The following CDH12 variants were observed in gnomAD, a reference collection of about 807,000 sequenced individuals.
CDH12 encodes the protein cadherin-12.
In CDH12, 41 loss-of-function variants were observed where a neutral mutation model predicts 74.1. The observed-to-expected ratio is 0.55, with a 90% confidence interval of 0.43 to 0.72. The LOEUF (loss-of-function observed/expected upper bound fraction) is 0.72. Among genes scored for constraint, CDH12 ranks in the 30% least tolerant of loss-of-function variants. The pLI, the probability that CDH12 is intolerant of heterozygous loss-of-function variation, is 0.00. For synonymous variants in CDH12, 399 were observed against 355.0 expected (o/e 1.12, Z -1.39); for missense variants, 945 against 977.2 (o/e 0.97, Z 0.44).
intron 3 of CDH12, among the ~76,000 whole-genome samples, chr5:22,387,414 T>C (rs1033570703): frequency 2.6e-5 from 4 of 152,314 alleles, no homozygotes; most frequent in Admixed American, 2.6e-4. Flanking sequence ...CTTGATTTTG[T>C]GTTAATAAAA....
At chr5:22,626,485 G>T (rs998370769) in intron 1 of CDH12, among the ~76,000 whole-genome samples, 2 of 152,160 alleles carry the variant, frequency 1.3e-5, no homozygotes, top group Admixed American at 6.5e-5. Context: ...GCAGAGCTGA[G>T]GCTTAGCCCC....
Position 22,389,834 on chromosome 5 carries a change from G to A in CDH12, c.-333+15423C>T, listed in dbSNP as rs1742157120. On this transcript the variant is annotated intron_variant, in intron 3 of 14. Transcript: ENST00000382254. ...GGCTAATTTTTCTGTATTTTTAGTAGAGAGGGGGTTTCACTGTGTTAGCCA... is the reference window on the plus strand; with the variant it reads ...GGCTAATTTTTCTGTATTTTTAGTAAAGAGGGGGTTTCACTGTGTTAGCCA... Among the ~76,000 whole-genome samples the A allele has an allele frequency of 4.0e-5, 6 of 151,892 alleles. No individual in the cohort carries two copies. The South Asian group carries it at 1.0e-3, about 26-fold the overall frequency.
At chr5:22,462,110 A>T (rs921113472) in intron 2 of CDH12, among the ~76,000 whole-genome samples, 1 of 152,184 alleles carries the variant, frequency 6.6e-6, no homozygotes, top group Non-Finnish European at 1.5e-5. Context: ...TTATAACAAC[A>T]AACTATCCAC....
At chr5:22,193,579 G>A (rs1380239187) in intron 4 of CDH12, among the ~76,000 whole-genome samples, 2 of 152,104 alleles carry the variant, frequency 1.3e-5, no homozygotes, top group African/African-American at 4.8e-5. Flanking sequence ...TAATTTGTGT[G>A]TTATTATCAG....
intron 7 of CDH12, among the ~76,000 whole-genome samples, chr5:21,851,460 A>C (rs1343906639): frequency 6.6e-6 from 1 of 150,452 alleles, no homozygotes; most frequent in Non-Finnish European, 1.5e-5. Flanking sequence ...TAAGTGAAAT[A>C]ATTTATATAA....
In CDH12 at chr5:22,366,758, C is replaced by T. The variant is rs1405386023; in HGVS notation, c.-333+38499G>A. Among the ~76,000 whole-genome samples, 4 of 152,250 alleles carry T rather than the reference C, an allele frequency of 2.6e-5. No homozygotes were observed. The South Asian group carries it at 8.3e-4, about 32-fold the overall frequency. On this transcript the variant is annotated intron_variant, in intron 3 of 14. Coordinates refer to ENST00000382254, the MANE Select transcript of CDH12 (RefSeq NM_004061.5). ...TATTGTTGCCATATTACTAGCTTCA[C>T]AGTTTAGATAGAGTATATTCATTTA...
At chr5:22,446,307 T>C (rs990622427) in intron 2 of CDH12, among the ~76,000 whole-genome samples, 4 of 152,102 alleles carry the variant, frequency 2.6e-5, no homozygotes, top group African/African-American at 9.7e-5. Flanking sequence ...CTACTTCAAC[T>C]TCAAACCCTT....
At chr5:22,575,015 T>C (rs758024024) in intron 1 of CDH12, among the ~76,000 whole-genome samples, 6 of 152,190 alleles carry the variant, frequency 3.9e-5, no homozygotes, top group African/African-American at 1.2e-4. Flanking sequence ...GGTTTCTGCA[T>C]CTGTAAAATT....
chr5:22,802,655 C>T (rs568699129), intron 1 of CDH12, among the ~76,000 whole-genome samples: 3 of 151,950 alleles, frequency 2.0e-5, no homozygotes, highest in Non-Finnish European at 2.9e-5. Context: ...TTTTTTAATG[C>T]TTATAATAAG....
intron 1 of CDH12, among the ~76,000 whole-genome samples, chr5:22,800,694 C>A (rs555960016): frequency 2.6e-5 from 4 of 152,064 alleles, no homozygotes; most frequent in Non-Finnish European, 5.9e-5. Context: ...TGTATACCAC[C>A]TTTTCATACC....
chr5:22,342,649 TTTTC>T (rs1261144107), intron 3 of CDH12, among the ~76,000 whole-genome samples: 4 of 149,512 alleles, frequency 2.7e-5, no homozygotes, highest in African/African-American at 7.4e-5. Context: ...TCTTTCTTAT[TTTTC>T]TTTCTTTCTC....
rs562314229 is a variant in CDH12, at chr5:22,325,690, T to A, written c.-333+79567A>T. Among the ~76,000 whole-genome samples the A allele has an allele frequency of 2.4e-3, 359 of 152,078 alleles. 2 individuals carry two copies. The highest frequency in any genetic ancestry group is 8.4e-3 in the African/African-American group (348 of 41,494). On this transcript the variant is annotated intron_variant, in intron 3 of 14. Transcript: ENST00000382254. ...TCACAAGGTCAGGAGATCGAGACCA[T>A]CCTGGCTAACGCGGTGAAACCCCGT...
intron 1 of CDH12, among the ~76,000 whole-genome samples, chr5:22,507,172 T>C (rs1241567033): frequency 6.6e-6 from 1 of 152,126 alleles, no homozygotes; most frequent in African/African-American, 2.4e-5. Flanking sequence ...TGATGGTTTT[T>C]TCACCAAATG....
At chr5:21,852,502 T>C (rs1750524693) in intron 7 of CDH12, among the ~76,000 whole-genome samples, 1 of 151,398 alleles carries the variant, frequency 6.6e-6, no homozygotes, top group Admixed American at 6.6e-5. Flanking sequence ...ATAAAGTTGT[T>C]TGGTATTCAT....
chr5:22,250,522 A>G (rs952980118), intron 3 of CDH12, among the ~76,000 whole-genome samples: 1 of 152,134 alleles, frequency 6.6e-6, no homozygotes, highest in Non-Finnish European at 1.5e-5. Context: ...GCCACATGCT[A>G]TTTGTTAGAT....
chr5:22,351,252 C>T (rs1184197997), intron 3 of CDH12, among the ~76,000 whole-genome samples: 1 of 152,064 alleles, frequency 6.6e-6, no homozygotes, highest in Non-Finnish European at 1.5e-5. Context: ...GTTTTGGGTA[C>T]TTCAGATTGA....
intron 6 of CDH12, among the ~76,000 whole-genome samples, chr5:21,878,942 G>A (rs201360227): frequency 3.5e-5 from 4 of 114,244 alleles, no homozygotes; most frequent in South Asian, 3.1e-4. Context: ...AGAAAGAAAG[G>A]AAAGAAAGAG....
chr5:21,872,168 T>A (rs1751658932), intron 6 of CDH12, among the ~76,000 whole-genome samples: 1 of 152,188 alleles, frequency 6.6e-6, no homozygotes, highest in Admixed American at 6.5e-5. Context: ...TTGCTCAGCG[T>A]GGGCCCTGAG....
Position 22,063,503 on chromosome 5 carries a change from C to A in CDH12, c.231+14943G>T, listed in dbSNP as rs137859814. Among the ~76,000 whole-genome samples the A allele has an allele frequency of 2.6e-5, 4 of 152,052 alleles. No individual in the cohort carries two copies. In the East Asian group the frequency reaches 5.8e-4, roughly 22 times the overall value. On this transcript the variant is annotated intron_variant, in intron 5 of 14. Coordinates refer to ENST00000382254, the MANE Select transcript of CDH12 (RefSeq NM_004061.5). The stretch of plus-strand genomic sequence containing the variant: ...ATTGCACATTGCTGATTGGTTCTAC[C>A]CCTTTAATATCTTTTAAAACATTAC...
Sources: allele counts gnomAD v4.1 joint callset (sites outside exome capture counted in the v4.1 genomes callset), GRCh38; gene constraint gnomAD v4.1.1; transcripts MANE v1.5; gene names NCBI Gene and HGNC (gene_info 2026-07-23, HGNC 2026-07-21).